CA1: variants seen among roughly 807,000 people sequenced by gnomAD.
The protein encoded by CA1 is carbonate dehydratase I.
Under a neutral mutation model 28.8 loss-of-function variants are expected in CA1, and 27 were observed. That is an observed-to-expected ratio of 0.94 (90% confidence interval 0.69 to 1.29). CA1 has a LOEUF of 1.29. Ranked by LOEUF, CA1 falls within the 50% of genes most tolerant of loss-of-function variation. The pLI, the probability that CA1 is intolerant of heterozygous loss-of-function variation, is 0.00. For missense variants in CA1, 335 were observed against 310.5 expected (o/e 1.08, Z -0.59); for synonymous variants, 121 against 108.8 (o/e 1.11, Z -0.70).
intron 1 of CA1, among the ~76,000 whole-genome samples, chr8:85,358,421 A>G (rs759011087): frequency 3.3e-5 from 5 of 152,102 alleles, no homozygotes; most frequent in Non-Finnish European, 5.9e-5. Context: ...CTAGTTTTGC[A>G]TGTATTTATT....
At chr8:85,344,453 G>A (rs903057255) in intron 1 of CA1, among the ~76,000 whole-genome samples, 4 of 149,454 alleles carry the variant, frequency 2.7e-5, no homozygotes, top group African/African-American at 9.8e-5. Flanking sequence ...ACCCTAAAAT[G>A]TTTTTCAAAA....
chr8:85,343,542 G>A (rs894451476), intron 1 of CA1, among the ~76,000 whole-genome samples: 1 of 152,164 alleles, frequency 6.6e-6, no homozygotes, highest in African/African-American at 2.4e-5. Context: ...TGGAGTGACA[G>A]GAGCAGGCTA....
At chr8:85,358,381 A>G (rs1302083693) in intron 1 of CA1, among the ~76,000 whole-genome samples, 2 of 151,976 alleles carry the variant, frequency 1.3e-5, no homozygotes, top group Non-Finnish European at 2.9e-5. Flanking sequence ...ATTTTTTCGG[A>G]GCTTTTATAA....
At chr8:85,339,658 C>T (rs1808833853) in intron 2 of CA1, among the ~76,000 whole-genome samples, 1 of 152,200 alleles carries the variant, frequency 6.6e-6, no homozygotes, top group Non-Finnish European at 1.5e-5. Flanking sequence ...AGGCCAAAAA[C>T]TAGACCTCTT....
chr8:85,337,408 C>G (rs554676437), intron 3 of CA1, among the ~76,000 whole-genome samples: 1 of 152,204 alleles, frequency 6.6e-6, no homozygotes, highest in South Asian at 2.1e-4. Context: ...AAGTTTATTC[C>G]TTCATTCTTT....
rs767742012 is a variant in CA1 at position 85,337,034 on chromosome 8, A to AGC, written c.263_264dup (p.Tyr89AlafsTer34). 1 of 1,612,786 alleles carries AGC rather than the reference A, an allele frequency of 6.2e-7. No individual in the cohort carries two copies. On this transcript the variant is annotated frameshift_variant, in exon 4 of 8. Coordinates refer to ENST00000523022, the MANE Select transcript of CA1 (RefSeq NM_001128831.4). LOFTEE classifies it high-confidence loss of function. ...TGAAAATGGAACTGAAAGAGCCTGT[A>AGC]GCTGTCAGAGAAAGGACCACCTTTC... is the stretch of plus-strand genomic sequence containing the variant.
At chr8:85,364,010 AT>A (rs530760537) in intron 1 of CA1, among the ~76,000 whole-genome samples, 4 of 149,336 alleles carry the variant, frequency 2.7e-5, no homozygotes, top group Non-Finnish European at 3.0e-5. Flanking sequence ...TTTTTATTTT[AT>A]TTTTTTTTAA....
intron 1 of CA1, among the ~76,000 whole-genome samples, chr8:85,366,689 T>C (rs1428343434): frequency 6.6e-6 from 1 of 152,186 alleles, no homozygotes; most frequent in African/African-American, 2.4e-5. Flanking sequence ...TCAATGTTTA[T>C]AAGAGCAGGC....
chr8:85,338,506 T>C (rs1808760567), intron 2 of CA1, 57 bp from the exon 3 acceptor site: 1 of 1,336,066 alleles, frequency 7.5e-7, no homozygotes, highest in Non-Finnish European at 1.1e-6. Flanking sequence ...ATTCCAAGTT[T>C]TAGGAGTATA....
At chr8:85,363,488 T>C (rs1564045549) in intron 1 of CA1, among the ~76,000 whole-genome samples, 1 of 152,202 alleles carries the variant, frequency 6.6e-6, no homozygotes, top group Admixed American at 6.5e-5. Flanking sequence ...CCAAATGAAT[T>C]GGTGATTGTT....
intron 4 of CA1, among the ~76,000 whole-genome samples, chr8:85,335,917 A>C (rs1343958320): frequency 1.3e-5 from 2 of 152,212 alleles, no homozygotes; most frequent in Non-Finnish European, 2.9e-5. Flanking sequence ...AATAGAAGAT[A>C]CATATACTTT....
intron 1 of CA1, among the ~76,000 whole-genome samples, chr8:85,368,118 G>A (rs540279748): frequency 1.1e-4 from 17 of 151,432 alleles, no homozygotes; most frequent in South Asian, 2.1e-4. Flanking sequence ...TTTATGAATC[G>A]CTTGTAATTT....
At chr8:85,337,092 C>T in intron 3 of CA1, 29 bp from the exon 4 acceptor site, 1 of 1,190,922 alleles carries the variant, frequency 8.4e-7, no homozygotes, top group African/African-American at 1.5e-5. Context: ...GATTGTTAGC[C>T]TGATGCTCCA....
intron 1 of CA1, among the ~76,000 whole-genome samples, chr8:85,348,066 A>T (rs10097917): frequency 0.58 from 87,477 of 152,020 alleles, 25,517 homozygotes; most frequent in Middle Eastern, 0.62. Context: ...TTTTACAAAC[A>T]TTTTTAAAAA....
intron 1 of CA1, among the ~76,000 whole-genome samples, chr8:85,372,894 G>A (rs1810281247): frequency 6.6e-6 from 1 of 152,082 alleles, no homozygotes; most frequent in Non-Finnish European, 1.5e-5. Flanking sequence ...CTGTTGCCAT[G>A]TTGCAGTGCT....
intron 4 of CA1, 33 bp from the exon 5 acceptor site, chr8:85,333,653 A>AT: frequency 7.6e-7 from 1 of 1,310,624 alleles, no homozygotes; most frequent in South Asian, 1.2e-5. Flanking sequence ...TTAATTATTT[A>AT]TACCAGTGTG....
At chr8:85,371,160 G>A (rs1316150452) in intron 1 of CA1, among the ~76,000 whole-genome samples, 2 of 152,058 alleles carry the variant, frequency 1.3e-5, no homozygotes, top group Non-Finnish European at 2.9e-5. Flanking sequence ...CTTCATCCTT[G>A]GAGTTTGGTT....
intron 6 of CA1, among the ~76,000 whole-genome samples, chr8:85,330,602 T>C (rs1808357825): frequency 6.6e-6 from 1 of 152,172 alleles, no homozygotes; most frequent in African/African-American, 2.4e-5. Context: ...AGTTTCTAGG[T>C]AAATTCTTTA....
At chr8:85,377,989 T>G (rs1035386924) in intron 1 of CA1, 57 bp downstream of exon 1, 3 of 152,118 alleles carry the variant, frequency 2.0e-5, no homozygotes, top group African/African-American at 7.2e-5. Context: ...CTTTTGGCAG[T>G]CGGATAAAAC....
Sources: gnomAD v4.1 joint callset for allele counts (sites outside exome capture counted in the v4.1 genomes callset) on GRCh38, gnomAD v4.1.1 for gene constraint, MANE v1.5 for transcripts, NCBI Gene and HGNC (gene_info 2026-07-23, HGNC 2026-07-21) for gene names.